The following ATP2B2 variants were observed in gnomAD, a reference collection of about 807,000 sequenced individuals.
The protein encoded by ATP2B2 is plasma membrane calcium-transporting ATPase 2.
In ATP2B2, 15 loss-of-function variants were observed where a neutral mutation model predicts 120.0. The observed-to-expected ratio is 0.12, with a 90% CI of 0.08 to 0.19. ATP2B2 has a LOEUF of 0.19. ATP2B2 is among the 10% of genes least tolerant of loss of function. ATP2B2 has a pLI of 1.00. For synonymous variants in ATP2B2, 694 were observed against 700.3 expected, an observed-to-expected ratio of 0.99 and a Z score of 0.14; for missense variants, 1,045 against 1,719.8, an observed-to-expected ratio of 0.61 and a Z score of 6.94.
chr3:10,404,465 A>C (rs925090162), intron 3 of ATP2B2, among the ~76,000 whole-genome samples: 2 of 152,230 alleles, frequency 1.3e-5, no homozygotes, highest in Admixed American at 6.5e-5. Context: ...CTCATCTGCA[A>C]AATGGCAGGT....
At chr3:10,634,492 C>A (rs1331021409) in intron 1 of ATP2B2, among the ~76,000 whole-genome samples, 1 of 152,258 alleles carries the variant, frequency 6.6e-6, no homozygotes, top group Non-Finnish European at 1.5e-5. Context: ...TGCCCCAAGC[C>A]AGTCCCTGAC....
rs1475359267 is a variant in ATP2B2, at chr3:10,594,019, A to G, written c.-415+25898T>C. On this transcript the variant is annotated intron_variant, in intron 2 of 21. Transcript: ENST00000646379. ...ATGCAAATCAAAACCACAATGAGAT[A>G]CCATCTCACACCAGTTAGAATGGCG... 3.9e-5 allele frequency among the ~76,000 whole-genome samples: 6 copies of G among 152,368 alleles called. No individual in the cohort carries two copies. In the East Asian group the frequency reaches 7.7e-4, roughly 20 times the overall value.
At chr3:10,702,410 T>A (rs79421728) in intron 1 of ATP2B2, among the ~76,000 whole-genome samples, 7,924 of 152,224 alleles carry the variant, frequency 0.052, 601 homozygotes, top group African/African-American at 0.17. Context: ...AAAGTACTCA[T>A]GAGGCAGGCA....
chr3:10,581,012 T>C (rs1035267866), intron 2 of ATP2B2, among the ~76,000 whole-genome samples: 1 of 151,996 alleles, frequency 6.6e-6, no homozygotes, highest in African/African-American at 2.4e-5. Context: ...TATGAGACTT[T>C]ACATGTATTA....
intron 2 of ATP2B2, among the ~76,000 whole-genome samples, chr3:10,560,233 C>A (rs1241121719): frequency 6.6e-6 from 1 of 152,164 alleles, no homozygotes; most frequent in Non-Finnish European, 1.5e-5. Flanking sequence ...GCAGGCAGGC[C>A]AGGGCGGGAA....
chr3:10,573,291 G>A (rs1222414003), intron 2 of ATP2B2, among the ~76,000 whole-genome samples: 4 of 152,026 alleles, frequency 2.6e-5, no homozygotes, highest in African/African-American at 9.7e-5. Flanking sequence ...TATGTTAATT[G>A]CTTCCTGAAT....
chr3:10,414,073 G>A (rs2062702191), intron 2 of ATP2B2, among the ~76,000 whole-genome samples: 2 of 152,182 alleles, frequency 1.3e-5, no homozygotes, highest in African/African-American at 4.8e-5. Flanking sequence ...AGGTCTGCAG[G>A]CCCTGAAATG....
intron 8 of ATP2B2, among the ~76,000 whole-genome samples, chr3:10,382,959 T>A (rs1483318830): frequency 6.6e-6 from 1 of 152,032 alleles, no homozygotes; most frequent in African/African-American, 2.4e-5. Flanking sequence ...TCTCCACCTG[T>A]AATGTGCTCT....
intron 1 of ATP2B2, among the ~76,000 whole-genome samples, chr3:10,689,385 G>T (rs2071602567): frequency 1.3e-5 from 2 of 152,070 alleles, no homozygotes; most frequent in African/African-American, 4.8e-5. Flanking sequence ...CACAGAATTG[G>T]CAGTAAAATT....
rs555112234 is a variant in ATP2B2 at position 10,329,242 on chromosome 3, T to C, written c.3421-117A>G. On this transcript the variant is annotated intron_variant, in intron 22 of 22. Coordinates refer to ENST00000360273, the MANE Select transcript of ATP2B2 (RefSeq NM_001001331.4). This position sits in a 1 kb window ranked among gnomAD's most constrained non-coding sequence, Gnocchi z 5.9. The stretch of plus-strand genomic sequence containing the variant: ...GGGCAAAGCAGGTGGCTGGAATCCA[T>C]AGTCGCTGGGTGTTATTAGCATTGA... 2 of 1,021,698 alleles carry C rather than the reference T, an allele frequency of 2.0e-6. No homozygotes were observed. The highest frequency in any genetic ancestry group is 1.6e-5 in the African/African-American group (1 of 63,754). 63.3% of individuals were successfully genotyped at this position (1,021,698 alleles called of 1,614,324 possible).
At chr3:10,414,974 G>A (rs1472829849) in intron 2 of ATP2B2, among the ~76,000 whole-genome samples, 5 of 152,146 alleles carry the variant, frequency 3.3e-5, no homozygotes, top group African/African-American at 1.2e-4. Context: ...TGGGCACTGA[G>A]GCTCACATGG....
At chr3:10,349,390 G>A (rs958437120) in intron 16 of ATP2B2, among the ~76,000 whole-genome samples, 1 of 152,144 alleles carries the variant, frequency 6.6e-6, no homozygotes, top group Admixed American at 6.5e-5. Flanking sequence ...AGGTGTTTGA[G>A]GTTGCAGTGA....
At chr3:10,675,708 A>G (rs2071224203) in intron 1 of ATP2B2, among the ~76,000 whole-genome samples, 1 of 152,042 alleles carries the variant, frequency 6.6e-6, no homozygotes, top group Non-Finnish European at 1.5e-5. Context: ...CAGTCTCTGC[A>G]TTTGCTGTTC....
intron 1 of ATP2B2, among the ~76,000 whole-genome samples, chr3:10,489,231 T>C (rs1241395907): frequency 6.6e-6 from 1 of 152,220 alleles, no homozygotes; most frequent in African/African-American, 2.4e-5. Flanking sequence ...TTCATCTGCT[T>C]TATTTTTCTC....
chr3:10,620,153 G>C (rs546920641), intron 1 of ATP2B2, among the ~76,000 whole-genome samples: 4 of 152,126 alleles, frequency 2.6e-5, no homozygotes, highest in Non-Finnish European at 5.9e-5. Context: ...TGCATCTCTG[G>C]GCCAGGTGCC....
At chr3:10,626,657 A>T (rs1420747397) in intron 1 of ATP2B2, 2 of 152,070 alleles carry the variant, frequency 1.3e-5, no homozygotes, top group East Asian at 3.8e-4. Flanking sequence ...AGAGAGGCTG[A>T]TAAATGAATA....
At chr3:10,348,758 C>T (rs1358173259) in intron 16 of ATP2B2, among the ~76,000 whole-genome samples, 1 of 152,232 alleles carries the variant, frequency 6.6e-6, no homozygotes, top group Non-Finnish European at 1.5e-5. Flanking sequence ...GCCTTTTGCT[C>T]TATGCAGGGA....
At chr3:10,664,903 C>T (rs1251823471) in intron 1 of ATP2B2, among the ~76,000 whole-genome samples, 2 of 152,132 alleles carry the variant, frequency 1.3e-5, no homozygotes, top group Non-Finnish European at 2.9e-5. Flanking sequence ...TATCCAGAAA[C>T]CTGGGAGCTA....
chr3:10,336,003 G>T (rs1270677181), intron 22 of ATP2B2: 1 of 1,183,084 alleles, frequency 8.5e-7, no homozygotes. Flanking sequence ...CGGTGGCTGG[G>T]ACCCTTCATC....
Sources: gnomAD v4.1 joint callset for allele counts (sites outside exome capture counted in the v4.1 genomes callset) on GRCh38, gnomAD v4.1.1 for gene constraint, Gnocchi (gnomAD v3.1) non-coding constraint, MANE v1.5 for transcripts, NCBI Gene and HGNC (gene_info 2026-07-23, HGNC 2026-07-21) for gene names.